Variants in ARHGEF26 observed in about 807,000 individuals in gnomAD.
ARHGEF26 encodes Rho guanine nucleotide exchange factor (GEF) 26.
A neutral mutation model predicts 89.4 loss-of-function variants in ARHGEF26; 59 were observed. The observed-to-expected ratio is 0.66, with a 90% CI of 0.54 to 0.82. The LOEUF (loss-of-function observed/expected upper bound fraction) is 0.82, where lower values mean the gene tolerates loss of function less well. ARHGEF26 is among the 40% of genes least tolerant of loss of function. The pLI, the probability that ARHGEF26 is intolerant of heterozygous loss-of-function variation, is 0.00. For missense variants in ARHGEF26, 1,234 were observed against 1,085.6 expected, an observed-to-expected ratio of 1.14 and a Z score of -1.92; for synonymous variants, 500 against 428.4, an observed-to-expected ratio of 1.17 and a Z score of -2.06.
intron 6 of ARHGEF26, among the ~76,000 whole-genome samples, chr3:154,159,624 T>G (rs1229168363): frequency 6.6e-6 from 1 of 152,158 alleles, no homozygotes; most frequent in Non-Finnish European, 1.5e-5. Context: ...TACATGCACT[T>G]GCTTTAATAT....
intron 10 of ARHGEF26, among the ~76,000 whole-genome samples, chr3:154,220,256 T>G (rs1479517372): frequency 1.3e-5 from 2 of 152,198 alleles, no homozygotes; most frequent in Non-Finnish European, 2.9e-5. Flanking sequence ...ATCTTCCATG[T>G]GGAAGGCAGT....
Position 154,255,417 on chromosome 3 carries a change from A to G in ARHGEF26, c.2560A>G (p.Ile854Val), listed in dbSNP as rs763541487. 7 of 1,613,798 alleles carry G rather than the reference A, an allele frequency of 4.3e-6. No individual in the cohort carries two copies. The highest frequency in any genetic ancestry group is 3.3e-5 in the South Asian group (3 of 91,062). ...CAAGGAGATAACATGTCAAGCTACA[A>G]TTGATAAGAATGTGGAGAGAATGGG... ...CAKEITCQAT[I>V]DKNVERMGRL... Residue 854 changes from isoleucine to valine, a missense_variant, in exon 15 of 15, where the codon ATT becomes GTT. Ile to Val is a conservative substitution (Grantham distance 29, BLOSUM62 3). Coordinates refer to ENST00000465093, the MANE Select transcript of ARHGEF26 (RefSeq NM_015595.4).
Position 154,255,503 on chromosome 3 carries a change from A to G in ARHGEF26, c.*30A>G, listed in dbSNP as rs1321398876. 6.2e-7 allele frequency: 1 copy of G among 1,602,384 alleles called. No individual in the cohort carries two copies. The highest frequency in any genetic ancestry group is 2.2e-5 in the East Asian group (1 of 44,754). ...TCAGATGGTCTTTTGTTACTGCAAGATTTGCACGACACTTACCGGGCTGGT... is the reference window on the plus strand; with the variant it reads ...TCAGATGGTCTTTTGTTACTGCAAGGTTTGCACGACACTTACCGGGCTGGT... On this transcript the variant is annotated 3_prime_UTR_variant, in exon 15 of 15. Coordinates refer to ENST00000465093, the MANE Select transcript of ARHGEF26 (RefSeq NM_015595.4).
intron 1 of ARHGEF26, 143 bp from the exon 2 acceptor site, chr3:154,121,798 GT>G (rs1219053242): frequency 6.9e-6 from 5 of 724,788 alleles, no homozygotes; most frequent in Non-Finnish European, 1.1e-5. Flanking sequence ...CAGTGGTGCA[GT>G]TTTTGCCCGA....
At position 154,212,487 on chromosome 3, in the gene ARHGEF26, T is replaced by C. The variant is rs556771771; in HGVS notation, c.1846-5382T>C. Among the ~76,000 whole-genome samples the C allele has an allele frequency of 1.1e-4, 17 of 152,258 alleles. 1 individual carries two copies. The South Asian group carries it at 3.5e-3, about 32-fold the overall frequency. On this transcript the variant is annotated intron_variant, in intron 9 of 14. Coordinates refer to ENST00000465093, the MANE Select transcript of ARHGEF26 (RefSeq NM_015595.4). ...TCTATTTTGTATCCTTCTGGTTGGC[T>C]TTCTGTTCCAATATTAGCATATGAC...
In ARHGEF26 at chr3:154,122,006, G is replaced by T; in HGVS notation, c.14G>T (p.Ser5Ile). The T allele has an allele frequency of 6.3e-7, 1 of 1,593,176 alleles. No individual in the cohort carries two copies. Among genetic ancestry groups the T allele is most frequent in the Middle Eastern group, 1.7e-4 (1 of 5,988 alleles). The change falls in exon 2 of 15, where the codon AGC becomes ATC. Residue 5 changes from serine (S) to isoleucine (I), a missense_variant. Physicochemically the swap from Ser to Ile is moderately radical, Grantham distance 142 (BLOSUM62 -2). Coordinates refer to ENST00000465093, the MANE Select transcript of ARHGEF26 (RefSeq NM_015595.4). ...CGAGGCCCGGCTATGGACGGCGAGA[G>T]CGAGGTGGATTTTTCTAGCAACAGC... MDGE[S>I]EVDFSSNSIT...
Position 154,217,964 on chromosome 3 carries a change from C to T in ARHGEF26, c.1935+6C>T. The T allele has an allele frequency of 6.4e-7, 1 of 1,568,206 alleles. No individual in the cohort carries two copies. Among genetic ancestry groups the T allele is most frequent in the Non-Finnish European group, 8.7e-7 (1 of 1,153,284 alleles). On this transcript the variant is annotated splice_donor_region_variant and intron_variant, in intron 10 of 14. Coordinates refer to ENST00000465093, the MANE Select transcript of ARHGEF26 (RefSeq NM_015595.4). ...AGCTGGAATTTAAAATTAAGGTATT[C>T]TCGTACCTTGTTCATTACTGTTCTT...
chr3:154,218,784 T>A (rs1715937964), intron 10 of ARHGEF26, among the ~76,000 whole-genome samples: 1 of 152,224 alleles, frequency 6.6e-6, no homozygotes, highest in Non-Finnish European at 1.5e-5. Context: ...TTTGGCAGCA[T>A]ATATACTAGA....
chr3:154,176,551 G>A (rs1027662919), intron 6 of ARHGEF26, among the ~76,000 whole-genome samples: 14 of 152,108 alleles, frequency 9.2e-5, no homozygotes, highest in African/African-American at 1.7e-4. Context: ...TCGCAATGAC[G>A]CTGCTTCACA....
In ARHGEF26 at chr3:154,187,766, A is replaced by ATGC. The variant is rs1713679906; in HGVS notation, c.1570_1571insGCT (p.Ala523_Ser524insCys). 3.1e-6 allele frequency: 5 copies of ATGC among 1,612,282 alleles called. No homozygotes were observed. Among genetic ancestry groups the ATGC allele is most frequent in the Middle Eastern group, 1.7e-4 (1 of 6,056 alleles). ...GTGACATTGTGGAAAAACACACAGC[A>ATGC]TCCACATTTGACCCATATGTGAAAT... On this transcript the variant is annotated inframe_insertion, in exon 7 of 15. Coordinates refer to ENST00000465093, the MANE Select transcript of ARHGEF26 (RefSeq NM_015595.4).
chr3:154,184,366 G>C (rs1344762099), intron 6 of ARHGEF26, among the ~76,000 whole-genome samples: 1 of 152,174 alleles, frequency 6.6e-6, no homozygotes, highest in Non-Finnish European at 1.5e-5. Flanking sequence ...AAAACAGCTA[G>C]AAATCAAATA....
Position 154,255,695 on chromosome 3 carries a change from T to A in ARHGEF26, c.*222T>A, listed in dbSNP as rs552319682. Reference sequence around the variant, plus strand: ...TTACCTAACCACACACTTGCAGACCTCCTGAGGTACACAGAATAGCTGAGC... The same window carrying A: ...TTACCTAACCACACACTTGCAGACCACCTGAGGTACACAGAATAGCTGAGC... On this transcript the variant is annotated 3_prime_UTR_variant, in exon 15 of 15. Transcript: ENST00000465093. 313 of 1,361,758 alleles carry A rather than the reference T, an allele frequency of 2.3e-4. No homozygotes were observed. Among genetic ancestry groups the A allele is most frequent in the Non-Finnish European group, 2.8e-4 (296 of 1,063,048 alleles). 84.4% of individuals were successfully genotyped at this position (1,361,758 alleles called of 1,614,324 possible).
intron 10 of ARHGEF26, among the ~76,000 whole-genome samples, chr3:154,221,185 C>G (rs533658927): frequency 1.6e-4 from 24 of 149,330 alleles, no homozygotes; most frequent in Non-Finnish European, 2.8e-4. Context: ...AATTAGAAAA[C>G]TGCTACCAGA....
At chr3:154,169,193 G>A (rs1712255737) in intron 6 of ARHGEF26, among the ~76,000 whole-genome samples, 1 of 152,078 alleles carries the variant, frequency 6.6e-6, no homozygotes, top group African/African-American at 2.4e-5. Flanking sequence ...TGCCAGTATT[G>A]AAGTCTCAAT....
At chr3:154,140,588 CTTTTT>C (rs34090306) in intron 4 of ARHGEF26, among the ~76,000 whole-genome samples, 4 of 134,922 alleles carry the variant, frequency 3.0e-5, no homozygotes, top group African/African-American at 1.1e-4. Context: ...TTTCTGAGTG[CTTTTT>C]TTTTTTTTTT....
intron 4 of ARHGEF26, among the ~76,000 whole-genome samples, chr3:154,139,524 T>G: frequency 6.6e-6 from 1 of 152,168 alleles, no homozygotes; most frequent in Non-Finnish European, 1.5e-5. Flanking sequence ...ATAGAAAGGC[T>G]TTTTCATACT....
intron 9 of ARHGEF26, among the ~76,000 whole-genome samples, chr3:154,197,856 G>A (rs546126028): frequency 1.4e-4 from 21 of 152,102 alleles, no homozygotes; most frequent in Non-Finnish European, 2.5e-4. Flanking sequence ...CTAGAGTGAT[G>A]TGTACCATGT....
intron 11 of ARHGEF26, among the ~76,000 whole-genome samples, chr3:154,227,826 T>G (rs1272589991): frequency 6.6e-6 from 1 of 152,176 alleles, no homozygotes; most frequent in Non-Finnish European, 1.5e-5. Flanking sequence ...AATGGTAAAA[T>G]GTACACTGAC....
Position 154,149,408 on chromosome 3 carries a change from C to G in ARHGEF26, c.1289C>G (p.Ser430Cys), listed in dbSNP as rs1311334522. The G allele has an allele frequency of 6.2e-7, 1 of 1,607,858 alleles. No individual in the cohort carries two copies. Among genetic ancestry groups the G allele is most frequent in the African/African-American group, 1.3e-5 (1 of 74,944 alleles). Residue 430 changes from serine (S) to cysteine (C), a missense_variant, in exon 5 of 15, where the codon TCT becomes TGT. By Grantham distance (112) the Ser-to-Cys change is moderately radical. Transcript: ENST00000465093. ...QLSAVKRKGL[S>C]QTVSQEERKR... ...TCCTAGGTGAAAAGAAAGGGATTAT[C>G]TCAGACAGTAAGCCAGGAGGAAAGA...
Sources: allele counts gnomAD v4.1 joint callset (sites outside exome capture counted in the v4.1 genomes callset), GRCh38; gene constraint gnomAD v4.1.1; transcripts MANE v1.5; gene names NCBI Gene and HGNC (gene_info 2026-07-23, HGNC 2026-07-21).